PPFIA2: variants seen among roughly 807,000 people sequenced by gnomAD.
The protein encoded by PPFIA2 is liprin-alpha-2.
In PPFIA2, 46 loss-of-function variants were observed where a neutral mutation model predicts 175.5. That is an observed-to-expected ratio of 0.26 (90% CI 0.21 to 0.34). The LOEUF (loss-of-function observed/expected upper bound fraction) is 0.34, where lower values mean the gene tolerates loss of function less well. Ranked by LOEUF, PPFIA2 falls within the 10% of genes least tolerant of loss-of-function variation. PPFIA2 has a pLI of 1.00. For synonymous variants in PPFIA2, 568 were observed against 511.4 expected, an observed-to-expected ratio of 1.11 and a Z score of -1.49; for missense variants, 1,179 against 1,506.1, an observed-to-expected ratio of 0.78 and a Z score of 3.60.
chr12:81,559,649 G>A (rs983274906), intron 4 of PPFIA2, among the ~76,000 whole-genome samples: 18 of 152,182 alleles, frequency 1.2e-4, no homozygotes, highest in African/African-American at 4.3e-4. Context: ...TTGCTATTGT[G>A]TCAAGGATTT....
intron 7 of PPFIA2, among the ~76,000 whole-genome samples, chr12:81,411,294 T>C (rs139350159): frequency 6.6e-6 from 1 of 152,208 alleles, no homozygotes; most frequent in Non-Finnish European, 1.5e-5. Flanking sequence ...CTAGCAAAGC[T>C]AAAGTGCTTC....
chr12:81,699,124 A>C (rs1335452335), intron 3 of PPFIA2, among the ~76,000 whole-genome samples: 1 of 152,108 alleles, frequency 6.6e-6, no homozygotes, highest in Non-Finnish European at 1.5e-5. Flanking sequence ...GATTAAAGAA[A>C]TTGTAAGAAA....
chr12:81,507,095 A>G (rs908546480), intron 4 of PPFIA2, among the ~76,000 whole-genome samples: 1 of 152,214 alleles, frequency 6.6e-6, no homozygotes, highest in Non-Finnish European at 1.5e-5. Context: ...TCTATGGTTC[A>G]GATGAGCAAT....
chr12:81,664,382 T>C (rs1346358091), intron 4 of PPFIA2, among the ~76,000 whole-genome samples: 2 of 151,988 alleles, frequency 1.3e-5, no homozygotes, highest in Non-Finnish European at 2.9e-5. Flanking sequence ...GGGCAAAGGA[T>C]ATGAACAGAC....
chr12:81,296,614 CTA>C (rs1432516713), intron 23 of PPFIA2: 1 of 151,530 alleles, frequency 6.6e-6, no homozygotes, highest in Non-Finnish European at 1.5e-5. Context: ...ATTTTTTTTT[CTA>C]TTTGTTGAAA....
At chr12:81,611,097 T>C (rs201225710) in intron 4 of PPFIA2, among the ~76,000 whole-genome samples, 4 of 152,106 alleles carry the variant, frequency 2.6e-5, no homozygotes, top group Non-Finnish European at 5.9e-5. Context: ...CTTCCTAGCA[T>C]TCGCGGGGAG....
chr12:81,696,913 T>C (rs936372626), intron 3 of PPFIA2, among the ~76,000 whole-genome samples: 3 of 151,990 alleles, frequency 2.0e-5, no homozygotes, highest in Non-Finnish European at 2.9e-5. Flanking sequence ...TGAAAAGAAA[T>C]AGAGTCCTAC....
chr12:81,611,254 G>A (rs374758462), intron 4 of PPFIA2, among the ~76,000 whole-genome samples: 15 of 152,078 alleles, frequency 9.9e-5, no homozygotes, highest in East Asian at 5.8e-4. Flanking sequence ...GAGATATGCC[G>A]CACCGTTTAT....
At chr12:81,277,907 G>A (rs1003291596) in intron 27 of PPFIA2, among the ~76,000 whole-genome samples, 1 of 152,106 alleles carries the variant, frequency 6.6e-6, no homozygotes, top group Non-Finnish European at 1.5e-5. Context: ...TGATACAGAA[G>A]TATGTAAGAA....
At chr12:81,349,945 G>C (rs2059731781) in intron 17 of PPFIA2, among the ~76,000 whole-genome samples, 1 of 152,142 alleles carries the variant, frequency 6.6e-6, no homozygotes, top group Admixed American at 6.6e-5. Flanking sequence ...AATTCTGGTT[G>C]TTATTAGCAG....
chr12:81,634,895 A>G (rs2063809565), intron 4 of PPFIA2, among the ~76,000 whole-genome samples: 1 of 151,300 alleles, frequency 6.6e-6, no homozygotes, highest in Non-Finnish European at 1.5e-5. Context: ...TTCCCTAAAT[A>G]TTGTCTTTAT....
intron 3 of PPFIA2, among the ~76,000 whole-genome samples, chr12:81,680,505 A>C (rs980261384): frequency 6.6e-6 from 1 of 152,004 alleles, no homozygotes; most frequent in Admixed American, 6.6e-5. Flanking sequence ...GACACTGCAC[A>C]TATCTATGTT....
intron 28 of PPFIA2, among the ~76,000 whole-genome samples, chr12:81,271,513 C>T (rs2039103728): frequency 6.6e-6 from 1 of 152,208 alleles, no homozygotes; most frequent in Admixed American, 6.5e-5. Context: ...AGGTGATCCA[C>T]CTGCCTTGGT....
chr12:81,358,773 A>G (rs889818679), intron 15 of PPFIA2, among the ~76,000 whole-genome samples: 3 of 152,124 alleles, frequency 2.0e-5, no homozygotes, highest in African/African-American at 7.2e-5. Flanking sequence ...AGATGGACCC[A>G]AGGCTTATGG....
At chr12:81,686,256 A>G (rs1171594753) in intron 3 of PPFIA2, among the ~76,000 whole-genome samples, 1 of 152,040 alleles carries the variant, frequency 6.6e-6, no homozygotes, top group Non-Finnish European at 1.5e-5. Flanking sequence ...TTGACCTGTA[A>G]ATGTAAGAGC....
intron 8 of PPFIA2, among the ~76,000 whole-genome samples, chr12:81,395,875 T>C (rs532086627): frequency 6.6e-6 from 1 of 152,224 alleles, no homozygotes; most frequent in South Asian, 2.1e-4. Flanking sequence ...CCTGAATCCA[T>C]ACATATCTCC....
chr12:81,605,312 C>T lies in PPFIA2; in HGVS notation c.303+71479G>A, dbSNP rs772301874. Among the ~76,000 whole-genome samples the T allele has an allele frequency of 3.3e-5, 5 of 151,384 alleles. No homozygotes were observed. The East Asian group carries it at 9.7e-4, about 29-fold the overall frequency. ...TGATAAATGGTCAGGGGAAAATGGTCATACTGAAAGAACAATGGGGTGAAG... is the reference window on the plus strand; with the variant it reads ...TGATAAATGGTCAGGGGAAAATGGTTATACTGAAAGAACAATGGGGTGAAG... On this transcript the variant is annotated intron_variant, in intron 4 of 32. Coordinates refer to ENST00000549396, the MANE Select transcript of PPFIA2 (RefSeq NM_003625.5).
intron 28 of PPFIA2, chr12:81,270,787 T>A (rs2038866075): frequency 6.6e-6 from 1 of 152,138 alleles, no homozygotes; most frequent in South Asian, 2.1e-4. Flanking sequence ...ATACATGGGG[T>A]GTCTCATTGT....
chr12:81,341,245 C>G (rs2140329237), intron 19 of PPFIA2, 37 bp from the exon 20 acceptor site: 1 of 1,588,998 alleles, frequency 6.3e-7, no homozygotes, highest in Admixed American at 1.7e-5. Context: ...TAAACCCTTT[C>G]TAAATTTCAG....
Sources: gnomAD v4.1 joint callset for allele counts (sites outside exome capture counted in the v4.1 genomes callset) on GRCh38, gnomAD v4.1.1 for gene constraint, MANE v1.5 for transcripts, NCBI Gene and HGNC (gene_info 2026-07-23, HGNC 2026-07-21) for gene names.